The following WASF3 variants were observed in gnomAD, a reference collection of about 807,000 sequenced individuals.
WASF3 encodes the protein actin-binding protein WASF3.
A neutral mutation model predicts 46.6 loss-of-function variants in WASF3; 11 were observed. That is an observed-to-expected ratio of 0.24 (90% CI 0.15 to 0.39). The LOEUF (loss-of-function observed/expected upper bound fraction) is 0.39, where lower values mean the gene tolerates loss of function less well. WASF3 is among the 10% of genes least tolerant of loss of function. The pLI, the probability that WASF3 is intolerant of heterozygous loss-of-function variation, is 1.00. For synonymous variants in WASF3, 242 were observed against 259.7 expected (o/e 0.93, Z 0.65); for missense variants, 576 against 669.8 (o/e 0.86, Z 1.55).
At chr13:26,680,304 G>T (rs1214433796) in intron 7 of WASF3, 1 of 1,335,636 alleles carries the variant, frequency 7.5e-7, no homozygotes, top group African/African-American at 1.5e-5. Context: ...CCTGTAACCT[G>T]AGCCAGGAGC....
chr13:26,651,867 G>A (rs1475099484), intron 3 of WASF3, among the ~76,000 whole-genome samples: 1 of 152,202 alleles, frequency 6.6e-6, no homozygotes, highest in East Asian at 1.9e-4. Flanking sequence ...TGTTTATGAA[G>A]TACTATGTTA....
intron 1 of WASF3, among the ~76,000 whole-genome samples, chr13:26,559,980 G>A (rs949497870): frequency 5.3e-5 from 8 of 151,390 alleles, no homozygotes; most frequent in African/African-American, 1.5e-4. Context: ...ACCATGCCCG[G>A]CTAATTTTTG....
Position 26,682,211 on chromosome 13 carries a change from T to C in WASF3, c.984-396T>C, listed in dbSNP as rs1442312272. On this transcript the variant is annotated intron_variant, in intron 8 of 9. Coordinates refer to ENST00000335327, the MANE Select transcript of WASF3 (RefSeq NM_006646.6). This position sits in a 1 kb window ranked among gnomAD's most constrained non-coding sequence, Gnocchi z 4.4. ...ATTTCCACGGAGGTGGGTTAGAGAA[T>C]GTAGAAAGCTCCCAATCTGGTTGAC... Among the ~76,000 whole-genome samples, 3 of 152,192 alleles carry C rather than the reference T, an allele frequency of 2.0e-5. No individual in the cohort carries two copies. The highest frequency in any genetic ancestry group is 4.4e-5 in the Non-Finnish European group (3 of 68,028).
chr13:26,588,610 C>A (rs973329441), intron 1 of WASF3, among the ~76,000 whole-genome samples: 1 of 152,118 alleles, frequency 6.6e-6, no homozygotes, highest in Non-Finnish European at 1.5e-5. Flanking sequence ...CTTCTGGATT[C>A]TAATTTGATC....
At chr13:26,669,689 T>C (rs1357899134) in intron 5 of WASF3, among the ~76,000 whole-genome samples, 1 of 152,102 alleles carries the variant, frequency 6.6e-6, no homozygotes, top group Non-Finnish European at 1.5e-5. Context: ...AATTTTTGTA[T>C]TTTTAGTAGA....
At chr13:26,653,255 AT>A (rs1882368126) in intron 3 of WASF3, among the ~76,000 whole-genome samples, 2 of 152,024 alleles carry the variant, frequency 1.3e-5, no homozygotes, top group African/African-American at 2.4e-5. Context: ...TCTCTGTATT[AT>A]TTTTCCCCCT....
chr13:26,619,562 A>G (rs941795354), intron 2 of WASF3: 4 of 152,202 alleles, frequency 2.6e-5, no homozygotes, highest in African/African-American at 9.7e-5. Context: ...TGGTTAACCA[A>G]AGGTTAGTCA....
rs184579345 is a variant in WASF3 at position 26,571,669 on chromosome 13, C to T, written c.-109+13850C>T. Among the ~76,000 whole-genome samples, 145 of 152,296 alleles carry T rather than the reference C, an allele frequency of 9.5e-4. 1 individual carries two copies. Among genetic ancestry groups the T allele is most frequent in the African/African-American group, 3.4e-3 (141 of 41,562 alleles). The stretch of plus-strand genomic sequence containing the variant: ...TAATATTTGGAAAGGGCATTTCTCC[C>T]TCTTAGCTCCTCCCTTGCACATTTA... On this transcript the variant is annotated intron_variant, in intron 1 of 9. Coordinates refer to ENST00000335327, the MANE Select transcript of WASF3 (RefSeq NM_006646.6).
intron 1 of WASF3, among the ~76,000 whole-genome samples, chr13:26,566,828 G>T (rs866257824): frequency 7.2e-5 from 11 of 152,354 alleles, no homozygotes; most frequent in Middle Eastern, 3.4e-3. Context: ...AGGTCATGGG[G>T]ACTGGTAGCA....
intron 2 of WASF3, among the ~76,000 whole-genome samples, chr13:26,628,167 G>A (rs548475060): frequency 1.2e-4 from 18 of 152,244 alleles, no homozygotes; most frequent in Non-Finnish European, 2.6e-4. Context: ...GAAAACCTGC[G>A]CTCGCCAATC....
the WASF3 span, among the ~76,000 whole-genome samples, chr13:26,544,672 T>C: frequency 6.6e-6 from 1 of 152,246 alleles, no homozygotes; most frequent in African/African-American, 2.4e-5. Context: ...GAATCTGGCA[T>C]TGTTTCCCTG....
At chr13:26,569,271 T>C (rs1431756007) in intron 1 of WASF3, among the ~76,000 whole-genome samples, 1 of 152,216 alleles carries the variant, frequency 6.6e-6, no homozygotes, top group East Asian at 1.9e-4. Flanking sequence ...CCTCAGTGTG[T>C]CTAGCTGTTG....
chr13:26,664,996 A>G, intron 3 of WASF3, 32 bp from the exon 4 acceptor site: 1 of 1,612,542 alleles, frequency 6.2e-7, no homozygotes, highest in Non-Finnish European at 8.5e-7. Flanking sequence ...GCTCCCTAAC[A>G]GATGGCCTTC....
At chr13:26,564,893 G>A (rs1879409382) in intron 1 of WASF3, among the ~76,000 whole-genome samples, 1 of 139,320 alleles carries the variant, frequency 7.2e-6, no homozygotes, top group Non-Finnish European at 1.5e-5. Context: ...TACATGACAA[G>A]GTTGTGGTTT....
chr13:26,675,768 A>G (rs1188296736), intron 6 of WASF3, among the ~76,000 whole-genome samples: 1 of 152,012 alleles, frequency 6.6e-6, no homozygotes, highest in African/African-American at 2.4e-5. Context: ...TCATTTAGCC[A>G]GCATGTATTG....
intron 2 of WASF3, among the ~76,000 whole-genome samples, chr13:26,627,418 T>C (rs1245739094): frequency 6.6e-6 from 1 of 152,184 alleles, no homozygotes; most frequent in African/African-American, 2.4e-5. Flanking sequence ...TTGCTGTGCA[T>C]GCAACATTGT....
chr13:26,681,702 C>T (rs1405335482), intron 8 of WASF3, among the ~76,000 whole-genome samples: 7 of 152,162 alleles, frequency 4.6e-5, no homozygotes, highest in Admixed American at 6.5e-5. Flanking sequence ...GAGAAGACCA[C>T]ACCATGCAGC....
At chr13:26,565,524 A>T (rs2137144898) in intron 1 of WASF3, among the ~76,000 whole-genome samples, 1 of 152,382 alleles carries the variant, frequency 6.6e-6, no homozygotes, top group Middle Eastern at 3.4e-3. Context: ...TGTAGGATTT[A>T]AAACGTATCT....
chr13:26,595,686 C>A (rs1880439903), intron 1 of WASF3, among the ~76,000 whole-genome samples: 1 of 152,154 alleles, frequency 6.6e-6, no homozygotes, highest in South Asian at 2.1e-4. Context: ...GTCCCTGGCC[C>A]CTGTTCTTCA....
Sources: allele counts gnomAD v4.1 joint callset (sites outside exome capture counted in the v4.1 genomes callset), GRCh38; gene constraint gnomAD v4.1.1; non-coding constraint Gnocchi (gnomAD v3.1); transcripts MANE v1.5; gene names NCBI Gene and HGNC (gene_info 2026-07-23, HGNC 2026-07-21).